Variants in ERG observed in about 807,000 individuals in gnomAD.
ERG encodes the protein ETS transcription factor ERG, also known as transcriptional regulator ERG.
ERG carries 9 observed loss-of-function variants against 55.3 expected under a neutral mutation model. That is an observed-to-expected ratio of 0.16 (90% CI 0.10 to 0.28). The LOEUF (loss-of-function observed/expected upper bound fraction) is 0.28. Among genes scored for constraint, ERG ranks in the 10% least tolerant of loss-of-function variants. The pLI is 1.00. For synonymous variants in ERG, 223 were observed against 237.3 expected (o/e 0.94, Z 0.55); for missense variants, 434 against 631.6 (o/e 0.69, Z 3.35).
chr21:38,406,097 G>A (rs552447976), intron 3 of ERG, among the ~76,000 whole-genome samples: 1 of 143,962 alleles, frequency 6.9e-6, no homozygotes, highest in Admixed American at 7.5e-5. Flanking sequence ...GGAGCTTGCA[G>A]TGAGCCAAGA....
intron 1 of ERG, among the ~76,000 whole-genome samples, chr21:38,639,796 G>A (rs1230580903): frequency 6.6e-6 from 1 of 152,154 alleles, no homozygotes; most frequent in Admixed American, 6.5e-5. Flanking sequence ...TTCTTAAAGG[G>A]AATCAAAGGC....
intron 2 of ERG, among the ~76,000 whole-genome samples, chr21:38,547,437 A>C (rs1203546919): frequency 6.6e-6 from 1 of 152,194 alleles, no homozygotes; most frequent in Non-Finnish European, 1.5e-5. Flanking sequence ...TCTTAGACTT[A>C]TTCTCACAAG....
chr21:38,574,453 T>C (rs1335638137), intron 2 of ERG, among the ~76,000 whole-genome samples: 1 of 152,142 alleles, frequency 6.6e-6, no homozygotes, highest in Non-Finnish European at 1.5e-5. Flanking sequence ...ATCCCTAGAG[T>C]TACCACAATC....
chr21:38,490,480 T>A (rs1157824642), intron 1 of ERG, among the ~76,000 whole-genome samples: 1 of 152,178 alleles, frequency 6.6e-6, no homozygotes, highest in Non-Finnish European at 1.5e-5. Flanking sequence ...CTATCTCCTG[T>A]GAGGCTGTGG....
chr21:38,481,262 T>C (rs1267995742), intron 1 of ERG, among the ~76,000 whole-genome samples: 1 of 152,244 alleles, frequency 6.6e-6, no homozygotes, highest in Non-Finnish European at 1.5e-5. Flanking sequence ...GCCAAATGCA[T>C]GCTTTACTCA....
chr21:38,500,956 C>A (rs1330939546), upstream of ERG, among the ~76,000 whole-genome samples: 4 of 150,388 alleles, frequency 2.7e-5, no homozygotes, highest in Non-Finnish European at 5.9e-5. Context: ...GAGAATAATT[C>A]TTGATGTTTC....
intron 1 of ERG, among the ~76,000 whole-genome samples, chr21:38,606,134 T>C (rs2060195715): frequency 6.6e-6 from 1 of 152,110 alleles, no homozygotes; most frequent in South Asian, 2.1e-4. Flanking sequence ...GATAGATAGA[T>C]AAATGATTGA....
chr21:38,545,799 A>G (rs1463905100), intron 2 of ERG, among the ~76,000 whole-genome samples: 1 of 152,170 alleles, frequency 6.6e-6, no homozygotes, highest in Non-Finnish European at 1.5e-5. Flanking sequence ...AATCCCAAAG[A>G]AACTGTCCCC....
At chr21:38,527,553 C>T (rs2836473) in intron 2 of ERG, among the ~76,000 whole-genome samples, 47,793 of 152,094 alleles carry the variant, frequency 0.31, 9,257 homozygotes, top group Non-Finnish European at 0.42. Context: ...AGGGCTGTGA[C>T]CACCAGGAAG....
At chr21:38,644,949 G>A (rs1175630469) in intron 1 of ERG, among the ~76,000 whole-genome samples, 1 of 152,124 alleles carries the variant, frequency 6.6e-6, no homozygotes, top group African/African-American at 2.4e-5. Context: ...TTGAGCCCAG[G>A]AGTTAGAGAG....
At chr21:38,637,254 T>C (rs1245545212) in intron 1 of ERG, among the ~76,000 whole-genome samples, 2 of 152,140 alleles carry the variant, frequency 1.3e-5, no homozygotes, top group Non-Finnish European at 2.9e-5. Flanking sequence ...TGCCAGCCTT[T>C]CTGTTGAAAC....
At chr21:38,506,989 G>A (rs1359547244) in intron 2 of ERG, among the ~76,000 whole-genome samples, 1 of 152,072 alleles carries the variant, frequency 6.6e-6, no homozygotes, top group Non-Finnish European at 1.5e-5. Flanking sequence ...GCATGTGAGA[G>A]GCATTGCAAA....
intron 1 of ERG, among the ~76,000 whole-genome samples, chr21:38,605,396 A>G (rs1221469291): frequency 6.6e-6 from 1 of 152,184 alleles, no homozygotes; most frequent in Non-Finnish European, 1.5e-5. Context: ...CGCCTGAGAC[A>G]ATCAGGCCTT....
intron 2 of ERG, among the ~76,000 whole-genome samples, chr21:38,513,712 G>A (rs765322090): frequency 6.6e-6 from 1 of 151,978 alleles, no homozygotes; most frequent in Non-Finnish European, 1.5e-5. Context: ...CTGTGGGTGA[G>A]CTTCCATAGG....
At chr21:38,429,315 C>T (rs1396215858) in intron 2 of ERG, among the ~76,000 whole-genome samples, 1 of 151,356 alleles carries the variant, frequency 6.6e-6, no homozygotes, top group Non-Finnish European at 1.5e-5. Context: ...TATATATGTA[C>T]ATATACACAT....
At chr21:38,636,563 T>G (rs1403235150) in intron 1 of ERG, among the ~76,000 whole-genome samples, 2 of 152,210 alleles carry the variant, frequency 1.3e-5, no homozygotes, top group East Asian at 3.8e-4. Context: ...ATGAAGCACC[T>G]GTGGGTGAAG....
intron 2 of ERG, among the ~76,000 whole-genome samples, chr21:38,530,180 C>T (rs544969906): frequency 4.9e-4 from 74 of 152,080 alleles, no homozygotes; most frequent in African/African-American, 1.7e-3. Context: ...CCACCTTTGC[C>T]TCCTGAGTAG....
chr21:38,638,061 C>T (rs1387879428), intron 1 of ERG, among the ~76,000 whole-genome samples: 3 of 152,196 alleles, frequency 2.0e-5, no homozygotes, highest in Admixed American at 6.5e-5. Context: ...TGAAACACAG[C>T]ACATGCAACT....
upstream of ERG, among the ~76,000 whole-genome samples, chr21:38,502,081 T>TGCG (rs2059425233): frequency 6.6e-6 from 1 of 152,188 alleles, no homozygotes. Context: ...ATGTAATACA[T>TGCG]GCGCAGAGCA....
Sources: gnomAD v4.1 joint callset for allele counts (sites outside exome capture counted in the v4.1 genomes callset) on GRCh38, gnomAD v4.1.1 for gene constraint, MANE v1.5 for transcripts, NCBI Gene and HGNC (gene_info 2026-07-23, HGNC 2026-07-21) for gene names.